SBNO2: variants seen among roughly 807,000 people sequenced by gnomAD.
SBNO2 encodes the protein protein strawberry notch homolog 2.
A neutral mutation model predicts 146.3 loss-of-function variants in SBNO2; 89 were observed. The ratio of observed to expected loss-of-function variants is 0.61; its 90% CI spans 0.51 to 0.73. The LOEUF (loss-of-function observed/expected upper bound fraction) is 0.73, where lower values mean the gene tolerates loss of function less well. Ranked by LOEUF, SBNO2 falls within the 30% of genes least tolerant of loss-of-function variation. The probability of loss-of-function intolerance (pLI) is 0.00; values close to 1 mark genes in which losing one functional copy is unlikely to be tolerated. For missense variants in SBNO2, 2,092 were observed against 2,003.7 expected (o/e 1.04, Z -0.84); for synonymous variants, 1,147 against 892.6 (o/e 1.29, Z -5.08).
chr19:1,118,908 G>T, intron 14 of SBNO2, 103 bp downstream of exon 14: 1 of 1,226,558 alleles, frequency 8.2e-7, no homozygotes, highest in Non-Finnish European at 1.1e-6. Context: ...ACAGGACAGG[G>T]CGGGCCGTCA....
At chr19:1,164,262 G>C (rs2080379455) in intron 1 of SBNO2, among the ~76,000 whole-genome samples, 1 of 152,176 alleles carries the variant, frequency 6.6e-6, no homozygotes, top group South Asian at 2.1e-4. Context: ...AGCTTGAGCG[G>C]GTGGCCGAAC....
Position 1,108,292 on chromosome 19 carries a change from C to T in SBNO2, c.4029G>A (p.Ala1343=), listed in dbSNP as rs781014228. The change falls in exon 32 of 32, where the codon GCG becomes GCA. Residue 1343 remains alanine (A), a synonymous_variant. Coordinates refer to ENST00000361757, the MANE Select transcript of SBNO2 (RefSeq NM_014963.3). ...CGCTCTGCCGCTCGGGACCACCGCCCGCCGCGCCCCCCGCCCCCGCGCCCT... is the reference window on the plus strand; with the variant it reads ...CGCTCTGCCGCTCGGGACCACCGCCTGCCGCGCCCCCCGCCCCCGCGCCCT... ...LGEGAGAGGA[A]GGGPERQSVI... 18 of 1,496,800 alleles carry T rather than the reference C, an allele frequency of 1.2e-5. No individual in the cohort carries two copies. The highest frequency in any genetic ancestry group is 1.5e-5 in the African/African-American group (1 of 68,050). 92.7% of individuals were successfully genotyped at this position (1,496,800 alleles called of 1,614,324 possible). A position where few individuals can be genotyped will look rare whatever the true frequency, so the allele number is the denominator to read the frequency against.
intron 11 of SBNO2, among the ~76,000 whole-genome samples, chr19:1,121,762 G>A (rs528581408): frequency 5.3e-5 from 8 of 152,242 alleles, no homozygotes; most frequent in South Asian, 4.1e-4. Flanking sequence ...CTCTGCCCAC[G>A]GCATCATGGC....
chr19:1,108,876 G>T lies in SBNO2; in HGVS notation c.3519C>A (p.Arg1173=). 1 of 1,590,632 alleles carries T rather than the reference G, an allele frequency of 6.3e-7. No individual in the cohort carries two copies. Among genetic ancestry groups the T allele is most frequent in the Non-Finnish European group, 8.5e-7 (1 of 1,175,406 alleles). The change falls in exon 31 of 32, where the codon CGC becomes CGA. Residue 1173 remains arginine, a synonymous_variant. Transcript: ENST00000361757. ...TGACGGCGGCGATGCGGCCCCACAC[G>T]CGCAGCAGCGCGCCGCACAGCATGT... ...HHYMLCGALL[R]VWGRIAAVMA...
At position 1,123,632 on chromosome 19, in the gene SBNO2, C is replaced by A. The variant is rs375981067; in HGVS notation, c.530G>T (p.Ser177Ile). 1 of 1,612,218 alleles carries A rather than the reference C, an allele frequency of 6.2e-7. No individual in the cohort carries two copies. The highest frequency in any genetic ancestry group is 8.5e-7 in the Non-Finnish European group (1 of 1,179,462). ...CTCCTCCTCTGGCTGGCTCTGCACA[C>A]TCTGCTCCTGCGTGCGTGGCGGGAG... ...TPLLVSYQEQ[S>I]VQSQPEEEDE... Residue 177 changes from serine (S) to isoleucine (I), a missense_variant, in exon 7 of 32, where the codon AGT (serine) becomes ATT (isoleucine). Coordinates refer to ENST00000361757, the MANE Select transcript of SBNO2 (RefSeq NM_014963.3).
Position 1,143,094 on chromosome 19 carries a change from C to T in SBNO2, c.279+4215G>A, listed in dbSNP as rs548393145. Among the ~76,000 whole-genome samples the T allele has an allele frequency of 2.0e-4, 31 of 152,310 alleles. No homozygotes were observed. In the East Asian group the frequency reaches 5.8e-3, roughly 28 times the overall value. ...TTTATACAACAGCAGGAAACATTTG[C>T]AGGGAATGCACACATGCCACAGGTC... On this transcript the variant is annotated intron_variant, in intron 4 of 31. Transcript: ENST00000361757.
chr19:1,145,413 C>T (rs1367561988), intron 4 of SBNO2, among the ~76,000 whole-genome samples: 1 of 145,958 alleles, frequency 6.9e-6, no homozygotes, highest in Non-Finnish European at 1.5e-5. Flanking sequence ...GCGGAGGTTG[C>T]AGTGAGCCAA....
At chr19:1,141,088 G>A (rs1047480495) in intron 4 of SBNO2, among the ~76,000 whole-genome samples, 11 of 151,986 alleles carry the variant, frequency 7.2e-5, no homozygotes, top group African/African-American at 1.9e-4. Flanking sequence ...GAGGCACTCC[G>A]GAGAAGACGC....
chr19:1,161,610 G>T (rs925441788), intron 1 of SBNO2, among the ~76,000 whole-genome samples: 13 of 151,730 alleles, frequency 8.6e-5, no homozygotes, highest in African/African-American at 3.1e-4. Context: ...TCTCAACACA[G>T]CTTTACCTCT....
chr19:1,143,715 G>A (rs537543221), intron 4 of SBNO2, among the ~76,000 whole-genome samples: 6 of 152,002 alleles, frequency 3.9e-5, no homozygotes, highest in African/African-American at 7.2e-5. Flanking sequence ...TCACCCTCCC[G>A]CCTCCTCTCA....
At chr19:1,111,894 G>T (rs1304623969) in intron 23 of SBNO2, 102 bp downstream of exon 23, 4 of 1,134,116 alleles carry the variant, frequency 3.5e-6, no homozygotes, top group African/African-American at 3.3e-5. Context: ...TGAGCCCCAC[G>T]TTCTCCAGCC....
Position 1,117,315 on chromosome 19 carries a change from C to A in SBNO2, c.1704+8G>T, listed in dbSNP as rs747389837. ...CGCCCTCAGCCCTCGAAGGCCGCAG[C>A]CGCTCACCTTGTCTCGCGCCAGCTC... On this transcript the variant is annotated splice_region_variant and intron_variant, in intron 15 of 31. Coordinates refer to ENST00000361757, the MANE Select transcript of SBNO2 (RefSeq NM_014963.3). 6.4e-6 allele frequency: 10 copies of A among 1,556,246 alleles called. No homozygotes were observed. The African/African-American group carries it at 1.2e-4, about 19-fold the overall frequency.
chr19:1,171,620 G>A (rs1306847264), intron 1 of SBNO2, among the ~76,000 whole-genome samples: 1 of 152,194 alleles, frequency 6.6e-6, no homozygotes, highest in South Asian at 2.1e-4. Flanking sequence ...GTTCGGGGCA[G>A]AGCTCACTCT....
rs1300521161 is a variant in SBNO2 at position 1,123,011 on chromosome 19, C to T, written c.663G>A (p.Val221=). The T allele has an allele frequency of 1.3e-6, 2 of 1,588,754 alleles. No individual in the cohort carries two copies. Among genetic ancestry groups the T allele is most frequent in the African/African-American group, 1.3e-5 (1 of 74,572 alleles). Residue 221 remains valine (V), a synonymous_variant, in exon 8 of 32, where the codon GTG becomes GTA. Transcript: ENST00000361757. The part of the protein sequence containing the change: ...KIGKQHPDRV[V]ETSTLSSVPP... ...GGACGCTGGACAGTGTGCTGGTCTCCACCACGCGGTCTGGGTGCTGCTTCC... is the reference window on the plus strand; with the variant it reads ...GGACGCTGGACAGTGTGCTGGTCTCTACCACGCGGTCTGGGTGCTGCTTCC...
chr19:1,168,810 CAAGT>C (rs887401270), intron 1 of SBNO2: 3 of 152,278 alleles, frequency 2.0e-5, no homozygotes, highest in Admixed American at 6.5e-5. Flanking sequence ...CCCTCCCCAG[CAAGT>C]GAGTCAGTTC....
At chr19:1,145,419 GC>G (rs2080180509) in intron 4 of SBNO2, among the ~76,000 whole-genome samples, 1 of 150,124 alleles carries the variant, frequency 6.7e-6, no homozygotes, top group South Asian at 2.1e-4. Context: ...GTTGCAGTGA[GC>G]CAAGATCGTG....
rs954256666 is a variant in SBNO2 at position 1,157,580 on chromosome 19, G to A, written c.-126-3178C>T. ...TGCGTGGTGTGGGGGTTGGGGGGGC[G>A]GGGGTCACACGGTTCCCACCTTGGG... On this transcript the variant is annotated intron_variant, in intron 1 of 31. Transcript: ENST00000361757. This position sits in a 1 kb window ranked among gnomAD's most constrained non-coding sequence, Gnocchi z 6.8. Among the ~76,000 whole-genome samples the A allele has an allele frequency of 4.0e-5, 6 of 151,854 alleles. No individual in the cohort carries two copies. Among genetic ancestry groups the A allele is most frequent in the Admixed American group, 6.6e-5 (1 of 15,256 alleles).
chr19:1,162,242 G>C (rs1370137342), intron 1 of SBNO2, among the ~76,000 whole-genome samples: 1 of 664 alleles, frequency 1.5e-3, no homozygotes, highest in South Asian at 0.033. Flanking sequence ...GGTGGATCAC[G>C]AGGTCAGGAG....
At chr19:1,117,217 G>GC in intron 15 of SBNO2, 106 bp downstream of exon 15, 12 of 1,190,184 alleles carry the variant, frequency 1.0e-5, no homozygotes, top group Non-Finnish European at 1.3e-5. Flanking sequence ...CCAGGGTGCA[G>GC]CCCCCGCCCA....
Sources: gnomAD v4.1 joint callset for allele counts (sites outside exome capture counted in the v4.1 genomes callset) on GRCh38, gnomAD v4.1.1 for gene constraint, Gnocchi (gnomAD v3.1) non-coding constraint, MANE v1.5 for transcripts, NCBI Gene and HGNC (gene_info 2026-07-23, HGNC 2026-07-21) for gene names.